Variants in STT3A observed in about 807,000 individuals in gnomAD.
STT3A encodes the protein STT3 oligosaccharyltransferase complex catalytic subunit A, also known as dolichyl-diphosphooligosaccharide--protein glycosyltransferase subunit STT3A.
In STT3A, 34 loss-of-function variants were observed where a neutral mutation model predicts 89.2. The observed-to-expected ratio is 0.38, with a 90% CI of 0.29 to 0.51. The LOEUF is 0.51. STT3A is among the 20% of genes least tolerant of loss of function. The pLI, the probability that STT3A is intolerant of heterozygous loss-of-function variation, is 0.89. For synonymous variants in STT3A, 282 were observed against 310.3 expected (o/e 0.91, Z 0.96); for missense variants, 555 against 889.5 (o/e 0.62, Z 4.78).
At chr11:125,612,112 G>C (rs1272819565) in intron 11 of STT3A, among the ~76,000 whole-genome samples, 1 of 151,962 alleles carries the variant, frequency 6.6e-6, no homozygotes, top group African/African-American at 2.4e-5. Context: ...CCGACCTCAG[G>C]TGATCCACCC....
At position 125,621,133 on chromosome 11, in the gene STT3A, C is replaced by G. The variant is rs898201743; in HGVS notation, c.*323C>G. ...AAGCTATGCTAGGCTGCCAGAAGGACATAAGCAGACCTTGTCCATTCTCTT... is the reference window on the plus strand; with the variant it reads ...AAGCTATGCTAGGCTGCCAGAAGGAGATAAGCAGACCTTGTCCATTCTCTT... On this transcript the variant is annotated 3_prime_UTR_variant, in exon 18 of 18. Transcript: ENST00000392708. 4 of 236,560 alleles carry G rather than the reference C, an allele frequency of 1.7e-5. No homozygotes were observed. The highest frequency in any genetic ancestry group is 9.1e-5 in the African/African-American group (4 of 44,070). 14.7% of individuals were successfully genotyped at this position (236,560 alleles called of 1,614,324 possible).
intron 1 of STT3A, among the ~76,000 whole-genome samples, chr11:125,594,448 C>T (rs1291330529): frequency 1.3e-5 from 2 of 151,920 alleles, no homozygotes; most frequent in Non-Finnish European, 2.9e-5. Flanking sequence ...GGCGTGGTGG[C>T]GCACACCTGT....
chr11:125,612,904 C>G (rs896580409), intron 12 of STT3A, 85 bp from the exon 13 acceptor site: 30 of 1,533,978 alleles, frequency 2.0e-5, no homozygotes, highest in Non-Finnish European at 2.7e-5. Flanking sequence ...TCAATCTCAT[C>G]TATATGAATG....
chr11:125,620,023 G>T lies in STT3A; in HGVS notation c.1976G>T (p.Gly659Val). The T allele has an allele frequency of 6.2e-7, 1 of 1,614,038 alleles. No individual in the cohort carries two copies. Among genetic ancestry groups the T allele is most frequent in the Non-Finnish European group, 8.5e-7 (1 of 1,179,980 alleles). The change falls in exon 17 of 18, where the codon GGC (glycine) becomes GTC (valine). Residue 659 changes from glycine (G) to valine (V), a missense_variant. Physicochemically the swap from Gly to Val is moderately radical, Grantham distance 109. Transcript: ENST00000392708. ...CATCCCTCTCTAGAGCGTCCTCCAGGCTTTGACCGTGTCCGAAATGCTGAG... is the reference window on the plus strand; with the variant it reads ...CATCCCTCTCTAGAGCGTCCTCCAGTCTTTGACCGTGTCCGAAATGCTGAG... ...QVYTEAKRPPGFDRVRNAEIG... is the reference protein window; with the variant it reads ...QVYTEAKRPPVFDRVRNAEIG...
Position 125,614,513 on chromosome 11 carries a change from T to C in STT3A, c.1774+87T>C. On this transcript the variant is annotated intron_variant, in intron 15 of 17. Transcript: ENST00000392708. The surrounding 1 kb of genome is among the most constrained non-coding windows in gnomAD (Gnocchi z 4.9). ...TCCTAGTTTTCTGTACTTTTACTAA[T>C]ATTTTACTAAGATATTTTTCTTTCA... The C allele has an allele frequency of 7.8e-7, 1 of 1,275,814 alleles. No homozygotes were observed. The highest frequency in any genetic ancestry group is 1.1e-6 in the Non-Finnish European group (1 of 907,360). 79.0% of individuals were successfully genotyped at this position (1,275,814 alleles called of 1,614,324 possible).
rs764668747 is a variant in STT3A at position 125,602,902 on chromosome 11, C to T, written c.371C>T (p.Ser124Phe). 1 of 1,614,164 alleles carries T rather than the reference C, an allele frequency of 6.2e-7. No homozygotes were observed. Among genetic ancestry groups the T allele is most frequent in the Non-Finnish European group, 8.5e-7 (1 of 1,180,034 alleles). ...NVCVFLAPLF[S>F]SFTTIVTYHL... is the part of the protein sequence containing the mutation. ...TGTGTGTTCCTGGCCCCTCTCTTCT[C>T]CTCCTTCACCACCATCGTCACGTAC... Residue 124 changes from serine (S) to phenylalanine (F), a missense_variant, in exon 5 of 18, where the codon TCC becomes TTC. Ser to Phe is a radical substitution (Grantham distance 155, BLOSUM62 -2). Around this residue, in one of 5 missense-constraint regions of STT3A, gnomAD observed 129 missense variants for 193.2 expected, o/e 0.67. Transcript: ENST00000392708.
intron 3 of STT3A, among the ~76,000 whole-genome samples, 165 bp from the exon 4 acceptor site, chr11:125,602,138 A>T (rs1411463307): frequency 6.6e-6 from 1 of 152,220 alleles, no homozygotes. Context: ...TGAGACAAGC[A>T]TGGAGATAGA....
intron 1 of STT3A, chr11:125,594,991 A>G (rs2135898868): frequency 6.6e-6 from 1 of 152,260 alleles, no homozygotes; most frequent in Middle Eastern, 3.4e-3. Context: ...TTTTGAGTGC[A>G]TGATTGTACC....
At position 125,614,033 on chromosome 11, in the gene STT3A, G is replaced by T; in HGVS notation, c.1555-54G>T. The T allele has an allele frequency of 1.3e-6, 2 of 1,532,768 alleles. No homozygotes were observed. Among genetic ancestry groups the T allele is most frequent in the South Asian group, 2.3e-5 (2 of 88,540 alleles). The allele number at this position is 1,532,768 out of a possible 1,614,324, so 94.9% of individuals were successfully genotyped here. On this transcript the variant is annotated intron_variant, in intron 13 of 17. Coordinates refer to ENST00000392708, the MANE Select transcript of STT3A (RefSeq NM_152713.5). The surrounding 1 kb of genome is among the most constrained non-coding windows in gnomAD (Gnocchi z 4.9). Reference sequence around the variant, plus strand: ...CAAAGATGCCTTCTCTGTTGCATTTGATTTTTAGAGACAGTGAGAAGCTTG... The same window carrying T: ...CAAAGATGCCTTCTCTGTTGCATTTTATTTTTAGAGACAGTGAGAAGCTTG...
chr11:125,615,625 T>C (rs1940156820), intron 15 of STT3A, among the ~76,000 whole-genome samples: 1 of 152,216 alleles, frequency 6.6e-6, no homozygotes, highest in African/African-American at 2.4e-5. Context: ...CAGATGTGCA[T>C]AGGTTATATA....
At chr11:125,604,274 AT>A (rs1337740995) in intron 6 of STT3A, 27 bp downstream of exon 6, 1 of 1,608,520 alleles carries the variant, frequency 6.2e-7, no homozygotes, top group Admixed American at 1.7e-5. Context: ...GCTGAAGAAG[AT>A]CATCTCACCT....
intron 15 of STT3A, among the ~76,000 whole-genome samples, chr11:125,617,394 A>G (rs918341481): frequency 6.6e-6 from 1 of 152,196 alleles, no homozygotes; most frequent in Non-Finnish European, 1.5e-5. Flanking sequence ...CTGGAATTCA[A>G]ACTTAGGCAG....
chr11:125,596,243 T>C (rs1238828760), intron 2 of STT3A, among the ~76,000 whole-genome samples: 1 of 152,144 alleles, frequency 6.6e-6, no homozygotes, highest in African/African-American at 2.4e-5. Context: ...GGTGGGTGGA[T>C]CACTTGAGGC....
chr11:125,595,878 T>G lies in STT3A; in HGVS notation c.-35-3T>G. ...TCTTGTGGTCTTGACTTTTTCATTTTAGCTGATCGTCGTGTGTTGCCACCC... is the reference window on the plus strand; with the variant it reads ...TCTTGTGGTCTTGACTTTTTCATTTGAGCTGATCGTCGTGTGTTGCCACCC... On this transcript the variant is annotated splice_polypyrimidine_tract_variant and splice_region_variant and intron_variant, in intron 1 of 17. Coordinates refer to ENST00000392708, the MANE Select transcript of STT3A (RefSeq NM_152713.5). 7.2e-7 allele frequency: 1 copy of G among 1,383,092 alleles called. No individual in the cohort carries two copies. The highest frequency in any genetic ancestry group is 1.0e-6 in the Non-Finnish European group (1 of 975,844). The allele number at this position is 1,383,092 out of a possible 1,614,324, so 85.7% of individuals were successfully genotyped here. A position where few individuals can be genotyped will look rare whatever the true frequency, so the allele number is the denominator to read the frequency against.
chr11:125,597,436 A>AAAGT (rs1432984042), intron 3 of STT3A, among the ~76,000 whole-genome samples: 2 of 151,166 alleles, frequency 1.3e-5, no homozygotes, highest in African/African-American at 4.9e-5. Flanking sequence ...AAAAAAAAAA[A>AAAGT]AGTATGTGTT....
chr11:125,605,247 A>G (rs1000788717), intron 6 of STT3A, among the ~76,000 whole-genome samples: 3 of 152,076 alleles, frequency 2.0e-5, no homozygotes, highest in Admixed American at 6.6e-5. Flanking sequence ...GAAAGGGGCA[A>G]TTGGGGCATG....
chr11:125,600,501 A>G (rs1054110632), intron 3 of STT3A, among the ~76,000 whole-genome samples: 6 of 151,832 alleles, frequency 4.0e-5, no homozygotes, highest in African/African-American at 1.5e-4. Context: ...AGCTGGGACT[A>G]CAGGCGTGTG....
chr11:125,608,474 C>T (rs1282449388), intron 9 of STT3A, 185 bp downstream of exon 9: 2 of 497,524 alleles, frequency 4.0e-6, no homozygotes, highest in Non-Finnish European at 6.7e-6. Context: ...GCCACCGCGC[C>T]CGCCACCACG....
At chr11:125,595,327 C>CA (rs1429334987) in intron 1 of STT3A, among the ~76,000 whole-genome samples, 1 of 152,012 alleles carries the variant, frequency 6.6e-6, no homozygotes, top group African/African-American at 2.4e-5. Flanking sequence ...TAATTTTAAA[C>CA]AGTTTTTTGT....
Sources: gnomAD v4.1 joint callset for allele counts (sites outside exome capture counted in the v4.1 genomes callset) on GRCh38, gnomAD v4.1.1 for gene constraint, gnomAD v4.1.1 regional missense constraint, Gnocchi (gnomAD v3.1) non-coding constraint, MANE v1.5 for transcripts, NCBI Gene and HGNC (gene_info 2026-07-23, HGNC 2026-07-21) for gene names.